The following KCNN2 variants were observed in gnomAD, a reference collection of about 807,000 sequenced individuals.
KCNN2 encodes the protein potassium calcium-activated channel subfamily N member 2.
In KCNN2, 24 loss-of-function variants were observed where a neutral mutation model predicts 55.5. That is an observed-to-expected ratio of 0.43 (90% CI 0.31 to 0.61). The LOEUF is 0.61. Ranked by LOEUF, KCNN2 falls within the 20% of genes least tolerant of loss-of-function variation. The pLI is 0.08. For synonymous variants in KCNN2, 431 were observed against 336.1 expected (o/e 1.28, Z -3.09); for missense variants, 754 against 853.6 (o/e 0.88, Z 1.45).
At chr5:114,371,540 T>G (rs1757759555) in intron 2 of KCNN2, among the ~76,000 whole-genome samples, 1 of 152,148 alleles carries the variant, frequency 6.6e-6, no homozygotes, top group African/African-American at 2.4e-5. Flanking sequence ...AGGGAAGTGC[T>G]TTTTGCATTT....
intron 2 of KCNN2, among the ~76,000 whole-genome samples, chr5:114,366,849 G>A (rs1561589580): frequency 6.6e-6 from 1 of 152,178 alleles, no homozygotes; most frequent in Non-Finnish European, 1.5e-5. Flanking sequence ...TAAATGCAAG[G>A]TTATGCTGCC....
chr5:114,159,940 G>A (rs547446186), intron 1 of KCNN2, among the ~76,000 whole-genome samples: 34 of 151,836 alleles, frequency 2.2e-4, no homozygotes, highest in South Asian at 1.3e-3. Flanking sequence ...TTTGTTGATC[G>A]TTTCAAAAAA....
chr5:114,313,722 AATAT>A (rs1356373006), intron 2 of KCNN2, among the ~76,000 whole-genome samples: 1 of 152,124 alleles, frequency 6.6e-6, no homozygotes, highest in Non-Finnish European at 1.5e-5. Context: ...TCTTCCCTTT[AATAT>A]ATGTCTGTTT....
chr5:114,159,321 A>G (rs918124113), intron 1 of KCNN2, among the ~76,000 whole-genome samples: 1 of 152,180 alleles, frequency 6.6e-6, no homozygotes, highest in African/African-American at 2.4e-5. Context: ...ATTTTCATAT[A>G]TTGAACCAGC....
At chr5:114,258,956 C>T (rs557028257) in intron 2 of KCNN2, among the ~76,000 whole-genome samples, 19 of 152,220 alleles carry the variant, frequency 1.2e-4, no homozygotes, top group Non-Finnish European at 2.2e-4. Flanking sequence ...GGGGCTGCAG[C>T]TGCCCCTTAA....
At chr5:114,238,101 G>T (rs546838412) in intron 2 of KCNN2, among the ~76,000 whole-genome samples, 1 of 152,168 alleles carries the variant, frequency 6.6e-6, no homozygotes, top group Non-Finnish European at 1.5e-5. Context: ...TCTAGCATTT[G>T]TACCAAGTGC....
chr5:114,300,524 T>C (rs1386900137), intron 2 of KCNN2, among the ~76,000 whole-genome samples: 1 of 152,232 alleles, frequency 6.6e-6, no homozygotes, highest in Non-Finnish European at 1.5e-5. Context: ...GATTAAGTTA[T>C]AGCAATGGAA....
intron 1 of KCNN2, among the ~76,000 whole-genome samples, chr5:114,090,867 G>A (rs902866462): frequency 1.3e-4 from 19 of 151,530 alleles, no homozygotes; most frequent in African/African-American, 3.6e-4. Flanking sequence ...TTTTAAAATC[G>A]AGACAGGGTC....
chr5:114,105,681 G>T (rs1427937554), intron 1 of KCNN2, among the ~76,000 whole-genome samples: 2 of 151,800 alleles, frequency 1.3e-5, no homozygotes, highest in African/African-American at 2.4e-5. Flanking sequence ...TGTTGCTAAT[G>T]GATTATCATA....
At chr5:114,318,151 T>C (rs1414601707) in intron 2 of KCNN2, among the ~76,000 whole-genome samples, 1 of 152,244 alleles carries the variant, frequency 6.6e-6, no homozygotes, top group Non-Finnish European at 1.5e-5. Flanking sequence ...ACTCATTATA[T>C]TTCTACTTTC....
In KCNN2 at chr5:114,449,879, TACACAC is replaced by T. The variant is rs745574908; in HGVS notation, c.1638-13145_1638-13140del. 3.1e-3 allele frequency among the ~76,000 whole-genome samples: 286 copies of T among 93,434 alleles called. 1 individual carries two copies. The highest frequency in any genetic ancestry group is 7.0e-3 in the East Asian group (6 of 858). 61.3% of individuals were successfully genotyped at this position (93,434 alleles called of 152,430 possible). On this transcript the variant is annotated intron_variant, in intron 3 of 7. Transcript: ENST00000673685. ...TTAGAATAGAGTAAGCATCCAAACATACACACACACACACACACACACACACACACG... is the reference window on the plus strand; with the variant it reads ...TTAGAATAGAGTAAGCATCCAAACATACACACACACACACACACACACACG...
chr5:114,168,688 T>A (rs1248482573), intron 1 of KCNN2, among the ~76,000 whole-genome samples: 2 of 152,174 alleles, frequency 1.3e-5, no homozygotes, highest in Admixed American at 1.3e-4. Context: ...TGTTGTGGTC[T>A]GTTCTGCAGC....
At chr5:114,206,624 C>T (rs1371334922) in intron 1 of KCNN2, among the ~76,000 whole-genome samples, 1 of 152,164 alleles carries the variant, frequency 6.6e-6, no homozygotes, top group Non-Finnish European at 1.5e-5. Context: ...GAATAGCTCA[C>T]CAACACTGTG....
At chr5:114,491,146 AAT>A (rs1288033403) in intron 6 of KCNN2, among the ~76,000 whole-genome samples, 1 of 152,148 alleles carries the variant, frequency 6.6e-6, no homozygotes. Context: ...AAGAGAAGTA[AAT>A]TAGGCCCCGT....
chr5:114,387,563 C>T (rs775950120), intron 2 of KCNN2, among the ~76,000 whole-genome samples: 4 of 151,946 alleles, frequency 2.6e-5, no homozygotes, highest in Admixed American at 6.6e-5. Context: ...GGTTTTTGTT[C>T]TTAGACTTTG....
rs575279100 is a variant in KCNN2 at position 114,337,977 on chromosome 5, CT to C, written c.-184-22967del. 2.4e-4 allele frequency among the ~76,000 whole-genome samples: 37 copies of C among 152,206 alleles called. No homozygotes were observed. The South Asian group carries it at 5.8e-3, about 24-fold the overall frequency. ...AATATTAAATACACTGAATTTGTCC[CT>C]GCTAGAGAGGCTGGTTATATTTTCA... On this transcript the variant is annotated intron_variant, in intron 2 of 10. Transcript: ENST00000512097.
At chr5:114,280,713 C>G (rs942398118) in intron 2 of KCNN2, among the ~76,000 whole-genome samples, 2 of 152,080 alleles carry the variant, frequency 1.3e-5, no homozygotes, top group African/African-American at 4.8e-5. Flanking sequence ...TCTACATTTA[C>G]CCTTTCTTCT....
chr5:114,426,072 C>G (rs1436265398), intron 3 of KCNN2, among the ~76,000 whole-genome samples: 1 of 151,816 alleles, frequency 6.6e-6, no homozygotes, highest in South Asian at 2.1e-4. Context: ...GTCCCAGCTA[C>G]TTGGGGAGCT....
chr5:114,104,770 T>C (rs193198989), intron 1 of KCNN2, among the ~76,000 whole-genome samples: 59 of 151,460 alleles, frequency 3.9e-4, no homozygotes, highest in African/African-American at 1.4e-3. Context: ...CCTGAGAAAA[T>C]AAGTTATATC....
Sources: gnomAD v4.1 joint callset for allele counts (sites outside exome capture counted in the v4.1 genomes callset) on GRCh38, gnomAD v4.1.1 for gene constraint, MANE v1.5 for transcripts, NCBI Gene and HGNC (gene_info 2026-07-23, HGNC 2026-07-21) for gene names.